Variants in MAP2K6 observed in about 807,000 individuals in gnomAD.
MAP2K6 encodes mitogen-activated protein kinase kinase 6, also known as dual specificity mitogen-activated protein kinase kinase 6.
MAP2K6 carries 16 observed loss-of-function variants against 53.7 expected under a neutral mutation model. The ratio of observed to expected loss-of-function variants is 0.30; its 90% CI spans 0.20 to 0.45. MAP2K6 has a LOEUF of 0.45. Ranked by LOEUF, MAP2K6 falls within the 20% of genes least tolerant of loss-of-function variation. The pLI, the probability that MAP2K6 is intolerant of heterozygous loss-of-function variation, is 1.00. For synonymous variants in MAP2K6, 132 were observed against 143.1 expected (o/e 0.92, Z 0.55); for missense variants, 204 against 411.9 (o/e 0.50, Z 4.37).
At chr17:69,455,326 A>G (rs77745376) in intron 1 of MAP2K6, among the ~76,000 whole-genome samples, 4,643 of 152,294 alleles carry the variant, frequency 0.03, 94 homozygotes, top group Non-Finnish European at 0.048. Context: ...TAGTTTAGCC[A>G]TGCCCTGGTG....
chr17:69,491,167 G>A (rs575806123), intron 1 of MAP2K6, among the ~76,000 whole-genome samples: 14 of 139,102 alleles, frequency 1.0e-4, no homozygotes, highest in African/African-American at 3.6e-4. Flanking sequence ...TTTTTTTGAC[G>A]GAGTCTCACT....
chr17:69,530,503 C>A (rs1364425878), intron 10 of MAP2K6, among the ~76,000 whole-genome samples: 1 of 152,046 alleles, frequency 6.6e-6, no homozygotes, highest in East Asian at 1.9e-4. Context: ...CTAAAATAGT[C>A]ATTTTGTTGG....
intron 11 of MAP2K6, 26 bp from the exon 12 acceptor site, chr17:69,541,650 C>T: frequency 6.4e-7 from 1 of 1,552,760 alleles, no homozygotes; most frequent in Non-Finnish European, 8.9e-7. Context: ...GACATTAATA[C>T]CATGTTTTTT....
At chr17:69,462,437 A>G (rs1190647287) in intron 1 of MAP2K6, among the ~76,000 whole-genome samples, 1 of 152,106 alleles carries the variant, frequency 6.6e-6, no homozygotes, top group Non-Finnish European at 1.5e-5. Context: ...CTCTAGAGCC[A>G]TGACAAAGAT....
chr17:69,463,389 C>A, intron 1 of MAP2K6, among the ~76,000 whole-genome samples: 1 of 145,008 alleles, frequency 6.9e-6, no homozygotes, highest in East Asian at 2.0e-4. Flanking sequence ...ATATGTGTAT[C>A]TATAATTATA....
intron 1 of MAP2K6, among the ~76,000 whole-genome samples, chr17:69,449,537 C>G (rs1411609145): frequency 2.4e-5 from 2 of 84,552 alleles, no homozygotes; most frequent in Non-Finnish European, 2.3e-5. Context: ...CTTTGTCTTT[C>G]TTTCTTTCTT....
chr17:69,509,188 C>T (rs371618993), intron 2 of MAP2K6, among the ~76,000 whole-genome samples: 29 of 152,264 alleles, frequency 1.9e-4, no homozygotes, highest in African/African-American at 6.7e-4. Context: ...AGCTATAGAT[C>T]AATTTAGGGC....
intron 1 of MAP2K6, among the ~76,000 whole-genome samples, chr17:69,475,542 A>G (rs532611543): frequency 1.5e-4 from 23 of 152,318 alleles, no homozygotes; most frequent in South Asian, 1.5e-3. Flanking sequence ...ATGATGACTG[A>G]GGATTTTCTC....
intron 1 of MAP2K6, among the ~76,000 whole-genome samples, chr17:69,466,940 G>A (rs986607729): frequency 2.2e-4 from 34 of 152,204 alleles, no homozygotes; most frequent in African/African-American, 8.2e-4. Flanking sequence ...AGATTAACGA[G>A]TGAACTTTTG....
At chr17:69,519,609 G>A (rs1268113225) in intron 5 of MAP2K6, 177 bp downstream of exon 5, 1 of 648,952 alleles carries the variant, frequency 1.5e-6, no homozygotes, top group Non-Finnish European at 2.5e-6. Flanking sequence ...TTGAAATTAT[G>A]GTATTTTCAA....
At chr17:69,419,924 A>AAG (rs1285363080) in intron 1 of MAP2K6, among the ~76,000 whole-genome samples, 3 of 151,908 alleles carry the variant, frequency 2.0e-5, no homozygotes, top group Non-Finnish European at 4.4e-5. Flanking sequence ...AAAAAAAAAA[A>AAG]AAAATTAATT....
At chr17:69,486,728 G>A (rs1336866850) in intron 1 of MAP2K6, among the ~76,000 whole-genome samples, 5 of 152,096 alleles carry the variant, frequency 3.3e-5, no homozygotes, top group African/African-American at 1.2e-4. Flanking sequence ...TTTATGTCAA[G>A]TAGGGAATAG....
At chr17:69,530,135 C>A (rs1359031176) in intron 10 of MAP2K6, among the ~76,000 whole-genome samples, 5 of 152,040 alleles carry the variant, frequency 3.3e-5, no homozygotes, top group Non-Finnish European at 7.4e-5. Flanking sequence ...ATATTAAAAA[C>A]AATACTCTGT....
At chr17:69,516,166 A>G (rs1910129484) in intron 2 of MAP2K6, among the ~76,000 whole-genome samples, 2 of 152,024 alleles carry the variant, frequency 1.3e-5, no homozygotes, top group Admixed American at 6.6e-5. Context: ...TAATTATACA[A>G]CTCACCATAA....
intron 1 of MAP2K6, among the ~76,000 whole-genome samples, chr17:69,496,375 G>C (rs924206194): frequency 1.5e-4 from 22 of 151,146 alleles, no homozygotes; most frequent in Non-Finnish European, 2.8e-4. Flanking sequence ...GGGTTCCAGC[G>C]ATTCTCCCGC....
intron 1 of MAP2K6, among the ~76,000 whole-genome samples, chr17:69,449,498 C>CTTTCTTTCT (rs367699737): frequency 1.9e-4 from 23 of 123,610 alleles, no homozygotes; most frequent in African/African-American, 5.5e-4. Flanking sequence ...TCCTTTCTTT[C>CTTTCTTTCT]TTTTTTCTTT....
At chr17:69,481,867 C>T (rs1908362026) in intron 1 of MAP2K6, among the ~76,000 whole-genome samples, 1 of 152,110 alleles carries the variant, frequency 6.6e-6, no homozygotes, top group Non-Finnish European at 1.5e-5. Flanking sequence ...TGTGGGAATA[C>T]AATTTGGCCC....
At chr17:69,461,979 T>C (rs1216775225) in intron 1 of MAP2K6, among the ~76,000 whole-genome samples, 1 of 152,220 alleles carries the variant, frequency 6.6e-6, no homozygotes, top group Non-Finnish European at 1.5e-5. Flanking sequence ...TCAGAATTTA[T>C]GTGTAGAAAT....
At chr17:69,505,119 A>G (rs568902994) in intron 1 of MAP2K6, among the ~76,000 whole-genome samples, 2 of 151,720 alleles carry the variant, frequency 1.3e-5, no homozygotes, top group South Asian at 4.2e-4. Context: ...TGCCATCACC[A>G]TTATAGTGTA....
Sources: gnomAD v4.1 joint callset for allele counts (sites outside exome capture counted in the v4.1 genomes callset) on GRCh38, gnomAD v4.1.1 for gene constraint, MANE v1.5 for transcripts, NCBI Gene and HGNC (gene_info 2026-07-23, HGNC 2026-07-21) for gene names.